Variants in PID1 observed in about 807,000 individuals in gnomAD.
The protein encoded by PID1 is phosphotyrosine interaction domain containing 1.
In PID1, 10 loss-of-function variants were observed where a neutral mutation model predicts 19.1. The observed-to-expected ratio is 0.52, with a 90% CI of 0.32 to 0.89. The LOEUF (loss-of-function observed/expected upper bound fraction) is 0.89, where lower values mean the gene tolerates loss of function less well. PID1 is among the 40% of genes least tolerant of loss of function. The probability of loss-of-function intolerance (pLI) is 0.03; values close to 1 mark genes in which losing one functional copy is unlikely to be tolerated. For synonymous variants in PID1, 130 were observed against 116.0 expected (o/e 1.12, Z -0.78); for missense variants, 248 against 285.3 (o/e 0.87, Z 0.94).
At chr2:229,250,443 G>A (rs1690119952) in intron 1 of PID1, among the ~76,000 whole-genome samples, 1 of 152,188 alleles carries the variant, frequency 6.6e-6, no homozygotes, top group Non-Finnish European at 1.5e-5. Context: ...GGACTGTGTT[G>A]CTTTCAGCAT....
intron 1 of PID1, among the ~76,000 whole-genome samples, chr2:229,210,955 C>T: frequency 6.6e-6 from 1 of 152,164 alleles, no homozygotes; most frequent in East Asian, 1.9e-4. Flanking sequence ...TTTAATCAAG[C>T]TTTCTGTGGC....
intron 2 of PID1, among the ~76,000 whole-genome samples, chr2:229,072,976 T>G (rs1489710311): frequency 6.6e-6 from 1 of 152,208 alleles, no homozygotes; most frequent in Non-Finnish European, 1.5e-5. Flanking sequence ...GATTACAAAC[T>G]GCAGGGCCTA....
rs1446045275 is a variant in PID1 at position 229,120,808 on chromosome 2, CA to C, written c.177+35009del. On this transcript the variant is annotated intron_variant, in intron 2 of 2. Transcript: ENST00000392055. ...AGATCCCTCAGGATTGGCTTTGTTC[CA>C]TTCTCGAGGTGATGAATGAGTTCTT... 2.0e-5 allele frequency among the ~76,000 whole-genome samples: 3 copies of C among 151,964 alleles called. No individual in the cohort carries two copies. The East Asian group carries it at 5.8e-4, about 30-fold the overall frequency.
chr2:229,152,949 C>A (rs1267351436), intron 2 of PID1, among the ~76,000 whole-genome samples: 1 of 152,126 alleles, frequency 6.6e-6, no homozygotes. Flanking sequence ...CGTGAGCTGG[C>A]CCTGCAGCTG....
chr2:229,060,539 G>C (rs1559215038), intron 2 of PID1, among the ~76,000 whole-genome samples: 1 of 152,052 alleles, frequency 6.6e-6, no homozygotes. Flanking sequence ...ATGTAGGTTG[G>C]CTCCATATCT....
intron 2 of PID1, among the ~76,000 whole-genome samples, chr2:229,135,438 T>C (rs1469181952): frequency 6.6e-6 from 1 of 152,150 alleles, no homozygotes; most frequent in Non-Finnish European, 1.5e-5. Context: ...ATATCCAGAA[T>C]AGGCAAATTC....
chr2:229,168,232 C>A (rs1690641784), intron 1 of PID1, among the ~76,000 whole-genome samples: 1 of 152,080 alleles, frequency 6.6e-6, no homozygotes, highest in Middle Eastern at 3.2e-3. Flanking sequence ...AAATTTTCAG[C>A]CTTTATGTCT....
At chr2:229,244,635 A>G (rs1423739645) in intron 1 of PID1, among the ~76,000 whole-genome samples, 2 of 152,144 alleles carry the variant, frequency 1.3e-5, no homozygotes, top group African/African-American at 4.8e-5. Context: ...TTGGGATTTT[A>G]TTTTGTAACC....
At chr2:229,131,281 A>G (rs1689735261) in intron 2 of PID1, among the ~76,000 whole-genome samples, 1 of 148,870 alleles carries the variant, frequency 6.7e-6, no homozygotes, top group East Asian at 2.0e-4. Context: ...CCCAGGCTGG[A>G]GTGCAGTGTT....
At chr2:229,232,145 C>T (rs111912097) in intron 1 of PID1, 37 of 1,446,532 alleles carry the variant, frequency 2.6e-5, no homozygotes, top group Admixed American at 8.6e-5. Flanking sequence ...CCCTCTTGGC[C>T]GGGTGCAGTG....
chr2:229,041,687 A>T (rs1693773086), intron 2 of PID1, among the ~76,000 whole-genome samples: 1 of 152,208 alleles, frequency 6.6e-6, no homozygotes, highest in Non-Finnish European at 1.5e-5. Context: ...TTCTCAATGG[A>T]CAAATCTAAC....
intron 1 of PID1, among the ~76,000 whole-genome samples, chr2:229,269,917 T>G (rs190635458): frequency 6.6e-6 from 1 of 152,296 alleles, no homozygotes; most frequent in Admixed American, 6.5e-5. Flanking sequence ...GGGCATCTGT[T>G]TCTGCTAAAT....
chr2:229,247,272 GGCTAGTAT>G (rs1481130988), intron 1 of PID1, among the ~76,000 whole-genome samples: 1 of 152,148 alleles, frequency 6.6e-6, no homozygotes, highest in Non-Finnish European at 1.5e-5. Flanking sequence ...AGAGGCCCAA[GGCTAGTAT>G]GAAAGCTCCA....
At chr2:229,228,229 T>G (rs1358208661) in intron 1 of PID1, among the ~76,000 whole-genome samples, 1 of 152,170 alleles carries the variant, frequency 6.6e-6, no homozygotes, top group South Asian at 2.1e-4. Flanking sequence ...GTGTCCCTAC[T>G]TGTTCATATG....
At chr2:229,180,040 G>A (rs976880662) in intron 1 of PID1, among the ~76,000 whole-genome samples, 8 of 152,266 alleles carry the variant, frequency 5.3e-5, no homozygotes, top group Non-Finnish European at 7.4e-5. Context: ...CCTGTAGTTC[G>A]AATAAATGCC....
intron 1 of PID1, among the ~76,000 whole-genome samples, chr2:229,218,095 C>T (rs1691886272): frequency 6.6e-6 from 1 of 151,944 alleles, no homozygotes; most frequent in South Asian, 2.1e-4. Context: ...TTTCATTAAC[C>T]GGTTATTATT....
intron 2 of PID1, among the ~76,000 whole-genome samples, chr2:229,092,797 G>A (rs1559229312): frequency 6.6e-6 from 1 of 152,144 alleles, no homozygotes; most frequent in African/African-American, 2.4e-5. Context: ...CACTGCCCAT[G>A]ACACCATTTC....
intron 2 of PID1, among the ~76,000 whole-genome samples, chr2:229,074,348 G>T (rs1359265652): frequency 6.6e-6 from 1 of 151,996 alleles, no homozygotes; most frequent in African/African-American, 2.4e-5. Context: ...ATAAAAGAAG[G>T]ATGCAGCCGC....
intron 1 of PID1, among the ~76,000 whole-genome samples, chr2:229,227,359 G>T (rs1692100370): frequency 6.6e-6 from 1 of 152,152 alleles, no homozygotes; most frequent in South Asian, 2.1e-4. Context: ...GCGGATTATT[G>T]AACATTTTCA....
Sources: allele counts gnomAD v4.1 joint callset (sites outside exome capture counted in the v4.1 genomes callset), GRCh38; gene constraint gnomAD v4.1.1; transcripts MANE v1.5; gene names NCBI Gene and HGNC (gene_info 2026-07-23, HGNC 2026-07-21).